RALGAPA2: variants seen among roughly 807,000 people sequenced by gnomAD.
RALGAPA2 encodes the protein Ral GTPase activating protein catalytic subunit alpha 2, also known as ral GTPase-activating protein subunit alpha-2.
RALGAPA2 carries 139 observed loss-of-function variants against 230.4 expected under a neutral mutation model. The observed-to-expected ratio is 0.60, with a 90% confidence interval of 0.53 to 0.69. The LOEUF is 0.69. Among genes scored for constraint, RALGAPA2 ranks in the 30% least tolerant of loss-of-function variants. RALGAPA2 has a pLI of 0.00. For missense variants in RALGAPA2, 2,163 were observed against 2,276.0 expected, an observed-to-expected ratio of 0.95 and a Z score of 1.01; for synonymous variants, 847 against 837.8, an observed-to-expected ratio of 1.01 and a Z score of -0.19.
intron 24 of RALGAPA2, 48 bp from the exon 25 acceptor site, chr20:20,536,832 GA>G: frequency 6.4e-7 from 1 of 1,569,908 alleles, no homozygotes; most frequent in Non-Finnish European, 8.7e-7. Context: ...TTGTAAGTTA[GA>G]AACGTTAAAT....
intron 30 of RALGAPA2, among the ~76,000 whole-genome samples, chr20:20,524,017 C>T (rs531313534): frequency 2.6e-5 from 4 of 152,064 alleles, no homozygotes; most frequent in East Asian, 1.9e-4. Context: ...AGTGCAGTGG[C>T]GAGATCTCGG....
chr20:20,525,397 G>A (rs1028520807), intron 28 of RALGAPA2, among the ~76,000 whole-genome samples: 1 of 152,070 alleles, frequency 6.6e-6, no homozygotes, highest in African/African-American at 2.4e-5. Flanking sequence ...ATGTTCCCAT[G>A]TCCAAACTCC....
chr20:20,540,012 ATAGACATT>A (rs1262273776), intron 24 of RALGAPA2, among the ~76,000 whole-genome samples: 3 of 152,204 alleles, frequency 2.0e-5, no homozygotes, highest in Non-Finnish European at 4.4e-5. Context: ...TCATCTGTCA[ATAGACATT>A]TAAGTTGCTT....
intron 37 of RALGAPA2, among the ~76,000 whole-genome samples, chr20:20,446,835 C>A (rs887980642): frequency 2.6e-5 from 4 of 152,078 alleles, no homozygotes; most frequent in Non-Finnish European, 5.9e-5. Context: ...GACAAGTCAC[C>A]GAGCCTCTTT....
intron 10 of RALGAPA2, among the ~76,000 whole-genome samples, chr20:20,628,239 A>G (rs2066553150): frequency 6.6e-6 from 1 of 152,046 alleles, no homozygotes; most frequent in Non-Finnish European, 1.5e-5. Context: ...CCAAACATTC[A>G]CTATCTCAAA....
chr20:20,561,151 A>C (rs1378222377), intron 23 of RALGAPA2, among the ~76,000 whole-genome samples: 1 of 152,194 alleles, frequency 6.6e-6, no homozygotes, highest in Admixed American at 6.5e-5. Context: ...ACAAACACAG[A>C]ACCTATCACC....
intron 18 of RALGAPA2, among the ~76,000 whole-genome samples, chr20:20,586,413 G>A (rs1431023663): frequency 4.6e-5 from 7 of 152,108 alleles, no homozygotes; most frequent in African/African-American, 1.4e-4. Context: ...AGAAATCCAC[G>A]TTTTCTGCAG....
At chr20:20,498,515 T>C (rs2062280275) in intron 35 of RALGAPA2, among the ~76,000 whole-genome samples, 1 of 152,204 alleles carries the variant, frequency 6.6e-6, no homozygotes, top group African/African-American at 2.4e-5. Context: ...TCTCGACTAA[T>C]TGCATTACAT....
At chr20:20,462,703 GTTGCAAA>G (rs1210770183) in intron 37 of RALGAPA2, among the ~76,000 whole-genome samples, 1 of 152,198 alleles carries the variant, frequency 6.6e-6, no homozygotes, top group Admixed American at 6.5e-5. Flanking sequence ...ACTTGAGTGT[GTTGCAAA>G]TTACTCCAGC....
chr20:20,640,054 G>A (rs1385662648), intron 6 of RALGAPA2, among the ~76,000 whole-genome samples, 154 bp from the exon 7 acceptor site: 1 of 152,154 alleles, frequency 6.6e-6, no homozygotes, highest in Non-Finnish European at 1.5e-5. Context: ...TGCATAAAGG[G>A]CCTGGAAACA....
intron 39 of RALGAPA2, among the ~76,000 whole-genome samples, chr20:20,394,955 C>G (rs6035619): frequency 2.3e-3 from 337 of 147,014 alleles, no homozygotes; most frequent in African/African-American, 8.1e-3. Flanking sequence ...AGAGAAAGAG[C>G]GAACCTTTGC....
intron 37 of RALGAPA2, among the ~76,000 whole-genome samples, chr20:20,459,158 T>G (rs565207054): frequency 1.4e-4 from 22 of 152,022 alleles, no homozygotes; most frequent in African/African-American, 5.1e-4. Flanking sequence ...ACAGAACTAT[T>G]AAACTAAGAT....
chr20:20,401,993 G>A lies in RALGAPA2; in HGVS notation c.5618-5259C>T, dbSNP rs185704164. 3.1e-3 allele frequency among the ~76,000 whole-genome samples: 468 copies of A among 152,328 alleles called. 1 individual carries two copies. The highest frequency in any genetic ancestry group is 5.4e-3 in the Non-Finnish European group (365 of 68,026). On this transcript the variant is annotated intron_variant, in intron 38 of 39. Coordinates refer to ENST00000202677, the MANE Select transcript of RALGAPA2 (RefSeq NM_020343.4). The stretch of plus-strand genomic sequence containing the variant: ...CTTCAGGGAGGGACATTTTGCCATT[G>A]CCACTGAAGAAGGGCTCCTCTCCCC...
At chr20:20,674,170 T>C (rs1041103962) in intron 3 of RALGAPA2, among the ~76,000 whole-genome samples, 1 of 150,984 alleles carries the variant, frequency 6.6e-6, no homozygotes, top group Non-Finnish European at 1.5e-5. Context: ...TACTCCAGCC[T>C]GGGCAATACC....
At chr20:20,470,148 G>C (rs2061506669) in intron 37 of RALGAPA2, among the ~76,000 whole-genome samples, 1 of 152,088 alleles carries the variant, frequency 6.6e-6, no homozygotes, top group Non-Finnish European at 1.5e-5. Flanking sequence ...TCCCAAATAA[G>C]AACTGCTTTG....
At chr20:20,674,595 A>G in intron 3 of RALGAPA2, among the ~76,000 whole-genome samples, 1 of 152,258 alleles carries the variant, frequency 6.6e-6, no homozygotes, top group East Asian at 1.9e-4. Context: ...CCAAGAAAAC[A>G]AAAAACCTGT....
chr20:20,519,263 A>C (rs1047305899), intron 31 of RALGAPA2, among the ~76,000 whole-genome samples: 2 of 152,222 alleles, frequency 1.3e-5, no homozygotes, highest in Non-Finnish European at 1.5e-5. Context: ...AGCTAAAATC[A>C]GGACTGCTAG....
chr20:20,581,507 C>A (rs2064982585), intron 20 of RALGAPA2, among the ~76,000 whole-genome samples: 1 of 152,136 alleles, frequency 6.6e-6, no homozygotes, highest in Non-Finnish European at 1.5e-5. Flanking sequence ...AAGCCAGTTT[C>A]ATCTCTGGAA....
chr20:20,587,491 C>A (rs1459660063), intron 18 of RALGAPA2, among the ~76,000 whole-genome samples: 1 of 152,008 alleles, frequency 6.6e-6, no homozygotes, highest in Admixed American at 6.6e-5. Context: ...AAATTGGATC[C>A]CTACCTCACT....
Sources: gnomAD v4.1 joint callset for allele counts (sites outside exome capture counted in the v4.1 genomes callset) on GRCh38, gnomAD v4.1.1 for gene constraint, MANE v1.5 for transcripts, NCBI Gene and HGNC (gene_info 2026-07-23, HGNC 2026-07-21) for gene names.